Variants in PCDHGA2 observed in about 807,000 individuals in gnomAD.
PCDHGA2 encodes protocadherin gamma-A2.
A neutral mutation model predicts 59.2 loss-of-function variants in PCDHGA2; 40 were observed. The observed-to-expected ratio is 0.68, with a 90% confidence interval of 0.52 to 0.88. PCDHGA2 has a LOEUF of 0.88. Ranked by LOEUF, PCDHGA2 falls within the 40% of genes least tolerant of loss-of-function variation. The pLI, the probability that PCDHGA2 is intolerant of heterozygous loss-of-function variation, is 0.00. For synonymous variants in PCDHGA2, 560 were observed against 526.0 expected (o/e 1.06, Z -0.89); for missense variants, 1,226 against 1,204.0 (o/e 1.02, Z -0.27).
At chr5:141,414,099 A>C in intron 1 of PCDHGA2, 3 of 1,593,504 alleles carry the variant, frequency 1.9e-6, no homozygotes, top group Non-Finnish European at 8.5e-7. Flanking sequence ...TAAAAATATC[A>C]GAAAATCTAG....
chr5:141,385,442 G>T, intron 1 of PCDHGA2: 1 of 1,450,070 alleles, frequency 6.9e-7, no homozygotes, highest in Non-Finnish European at 9.1e-7. Context: ...AGGTAAAAAT[G>T]AGTTTACCAG....
chr5:141,361,218 A>G (rs963780957), intron 1 of PCDHGA2: 8 of 1,613,906 alleles, frequency 5.0e-6, no homozygotes, highest in Non-Finnish European at 6.8e-6. Flanking sequence ...AGGATTCGCC[A>G]CCAGGAACAG....
At chr5:141,494,736 T>C in intron 1 of PCDHGA2, 71 bp from the exon 2 acceptor site, 1 of 1,611,858 alleles carries the variant, frequency 6.2e-7, no homozygotes, top group Non-Finnish European at 8.5e-7. Context: ...TCCCGGCCCA[T>C]CCCTAGGGGC....
chr5:141,504,434 A>C (rs2099838201), intron 2 of PCDHGA2, among the ~76,000 whole-genome samples: 1 of 152,234 alleles, frequency 6.6e-6, no homozygotes, highest in South Asian at 2.1e-4. Flanking sequence ...CAACAGCTGC[A>C]GTGTGACTAG....
intron 1 of PCDHGA2, among the ~76,000 whole-genome samples, chr5:141,466,519 C>A (rs1406838553): frequency 6.6e-6 from 1 of 151,864 alleles, no homozygotes; most frequent in Non-Finnish European, 1.5e-5. Flanking sequence ...CATTTTTTTT[C>A]CTCCCAAATT....
chr5:141,392,911 A>G (rs1416480997), intron 1 of PCDHGA2: 1 of 1,613,712 alleles, frequency 6.2e-7, no homozygotes, highest in African/African-American at 1.3e-5. Context: ...CAGATTCGCT[A>G]CTCTGTGCCA....
Position 141,435,556 on chromosome 5 carries a change from G to C in PCDHGA2, c.2425-59251G>C, listed in dbSNP as rs568743865. ...AGAATTAACAAAATGTGTTTTGAGT[G>C]CTTTTTTTAGTACTGGGGCAAATTT... is the stretch of plus-strand genomic sequence containing the variant. On this transcript the variant is annotated intron_variant, in intron 1 of 3. Transcript: ENST00000394576. Among the ~76,000 whole-genome samples, 7 of 152,242 alleles carry C rather than the reference G, an allele frequency of 4.6e-5. 1 individual carries two copies. Among genetic ancestry groups the C allele is most frequent in the African/African-American group, 1.4e-4 (6 of 41,544 alleles).
chr5:141,362,094 A>T, intron 1 of PCDHGA2: 4 of 1,613,384 alleles, frequency 2.5e-6, no homozygotes, highest in Non-Finnish European at 3.4e-6. Flanking sequence ...GACAGCCGCC[A>T]CTCTCCGCTA....
intron 1 of PCDHGA2, chr5:141,422,371 C>A: frequency 6.4e-7 from 1 of 1,567,208 alleles, no homozygotes; most frequent in South Asian, 1.2e-5. Context: ...AGAAAATGGT[C>A]AAGTCTCCTG....
chr5:141,392,915 T>A, intron 1 of PCDHGA2: 2 of 1,613,920 alleles, frequency 1.2e-6, no homozygotes, highest in Non-Finnish European at 1.7e-6. Flanking sequence ...TTCGCTACTC[T>A]GTGCCAGAAG....
chr5:141,427,743 T>A, intron 1 of PCDHGA2: 5 of 1,249,166 alleles, frequency 4.0e-6, no homozygotes, highest in Non-Finnish European at 5.8e-6. Context: ...CCAAGTCTCC[T>A]ACTCCATCGT....
chr5:141,494,441 C>T (rs1187169994), intron 1 of PCDHGA2, among the ~76,000 whole-genome samples: 2 of 152,154 alleles, frequency 1.3e-5, no homozygotes, highest in African/African-American at 4.8e-5. Context: ...TCCTTTGCCA[C>T]TTTAGGGGGC....
intron 1 of PCDHGA2, chr5:141,400,251 C>T (rs2093990443): frequency 6.2e-7 from 1 of 1,614,014 alleles, no homozygotes; most frequent in Non-Finnish European, 8.5e-7. Flanking sequence ...TGGCCGTTGC[C>T]TTGCGCCTGC....
At chr5:141,345,770 T>C (rs3749774) in intron 1 of PCDHGA2, 203 of 1,613,734 alleles carry the variant, frequency 1.3e-4, no homozygotes, top group East Asian at 2.0e-4. Context: ...AGCTGGCGCC[T>C]CGCTCCGCAG....
chr5:141,456,434 G>A (rs1418917805), intron 1 of PCDHGA2, among the ~76,000 whole-genome samples: 1 of 152,108 alleles, frequency 6.6e-6, no homozygotes, highest in Non-Finnish European at 1.5e-5. Flanking sequence ...TTATAGTATT[G>A]AGTATACAGA....
At chr5:141,422,636 C>T in intron 1 of PCDHGA2, 3 of 1,612,584 alleles carry the variant, frequency 1.9e-6, no homozygotes, top group Non-Finnish European at 2.5e-6. Context: ...CCCAGGGGTG[C>T]CTCCATCTTC....
At chr5:141,421,754 A>G (rs1230343518) in intron 1 of PCDHGA2, 4 of 1,613,918 alleles carry the variant, frequency 2.5e-6, no homozygotes, top group East Asian at 2.2e-5. Context: ...CTCAGCCCTA[A>G]TAATTACTTT....
chr5:141,398,874 C>G (rs1384943457), intron 1 of PCDHGA2: 1 of 1,613,978 alleles, frequency 6.2e-7, no homozygotes, highest in South Asian at 1.1e-5. Context: ...TGTACAGAGT[C>G]AGCCTTCGGG....
At position 141,491,539 on chromosome 5, in the gene PCDHGA2, A is replaced by G; in HGVS notation, c.2425-3268A>G. ...GTACATGGAGGTGACGCTGCGGCCC[A>G]CAGACTCGCAGAGCCACTGCTACAG... On this transcript the variant is annotated intron_variant, in intron 1 of 3. Coordinates refer to ENST00000394576, the MANE Select transcript of PCDHGA2 (RefSeq NM_018915.4). This position sits in a 1 kb window ranked among gnomAD's most constrained non-coding sequence, Gnocchi z 6.9. The G allele has an allele frequency of 6.2e-7, 1 of 1,613,968 alleles. No homozygotes were observed. The highest frequency in any genetic ancestry group is 1.1e-5 in the South Asian group (1 of 91,074).
Sources: allele counts gnomAD v4.1 joint callset (sites outside exome capture counted in the v4.1 genomes callset), GRCh38; gene constraint gnomAD v4.1.1; non-coding constraint Gnocchi (gnomAD v3.1); transcripts MANE v1.5; gene names NCBI Gene and HGNC (gene_info 2026-07-23, HGNC 2026-07-21).